SP100: variants seen among roughly 807,000 people sequenced by gnomAD.
SP100 encodes nuclear autoantigen Sp-100.
SP100 carries 84 observed loss-of-function variants against 130.0 expected under a neutral mutation model. The observed-to-expected ratio is 0.65, with a 90% CI of 0.54 to 0.77. SP100 has a LOEUF of 0.77. Among genes scored for constraint, SP100 ranks in the 30% least tolerant of loss-of-function variants. The pLI, the probability that SP100 is intolerant of heterozygous loss-of-function variation, is 0.00. For missense variants in SP100, 978 were observed against 1,052.2 expected, an observed-to-expected ratio of 0.93 and a Z score of 0.97; for synonymous variants, 331 against 351.7, an observed-to-expected ratio of 0.94 and a Z score of 0.66.
Position 230,443,078 on chromosome 2 carries a change from C to T in SP100, c.249C>T (p.Leu83=). 6.2e-7 allele frequency: 1 copy of T among 1,613,912 alleles called. No homozygotes were observed. The highest frequency in any genetic ancestry group is 8.5e-7 in the Non-Finnish European group (1 of 1,179,908). ...PFLEGLRDRD[L]ITNKMFEDSQ... Reference sequence around the variant, plus strand: ...TCGAGGGCCTCCGTGATCGTGATCTCATCACAAATAAAATGTTTGAAGTAA... The same window carrying T: ...TCGAGGGCCTCCGTGATCGTGATCTTATCACAAATAAAATGTTTGAAGTAA... The change falls in exon 3 of 29, where the codon CTC becomes CTT. Residue 83 remains leucine, a synonymous_variant. Coordinates refer to ENST00000340126, the MANE Select transcript of SP100 (RefSeq NM_001080391.2).
At chr2:230,515,918 T>C (rs1690892127) in intron 24 of SP100, 1 of 1,127,000 alleles carries the variant, frequency 8.9e-7, no homozygotes. Flanking sequence ...CAGCACAAAT[T>C]AGTTGTATAT....
Position 230,494,460 on chromosome 2 carries a change from G to A in SP100, c.1645G>A (p.Gly549Arg). Residue 549 changes from glycine (G) to arginine (R), a missense_variant and splice_region_variant, in exon 18 of 29, where the codon GGG (glycine) becomes AGG (arginine). By Grantham distance (125) the Gly-to-Arg change is moderately radical. Coordinates refer to ENST00000340126, the MANE Select transcript of SP100 (RefSeq NM_001080391.2). Reference protein sequence around the residue: ...HRSKVNGLQRGRKKDRPRKHL... With the variant: ...HRSKVNGLQRRRKKDRPRKHL... ...ATCTAAAGTAAATGGTCTCCAAAGAGGTAAGAAGAAATGTGGGGATTTACT... is the reference window on the plus strand; with the variant it reads ...ATCTAAAGTAAATGGTCTCCAAAGAAGTAAGAAGAAATGTGGGGATTTACT... 1.2e-6 allele frequency: 2 copies of A among 1,606,232 alleles called. No homozygotes were observed. The highest frequency in any genetic ancestry group is 1.7e-6 in the Non-Finnish European group (2 of 1,172,926).
At chr2:230,537,033 G>A (rs1038004562) in intron 24 of SP100, among the ~76,000 whole-genome samples, 5 of 152,160 alleles carry the variant, frequency 3.3e-5, no homozygotes, top group African/African-American at 1.2e-4. Context: ...TGAGGCAAGA[G>A]GATCACTTGA....
chr2:230,494,809 G>A (rs1433715426), intron 18 of SP100, among the ~76,000 whole-genome samples: 3 of 152,134 alleles, frequency 2.0e-5, no homozygotes, highest in Non-Finnish European at 2.9e-5. Flanking sequence ...TTAATAGAAA[G>A]ACTCAAAAGT....
At chr2:230,462,774 A>G (rs2064726527) in intron 10 of SP100, 1 of 456,214 alleles carries the variant, frequency 2.2e-6, no homozygotes, top group Non-Finnish European at 4.1e-6. Context: ...TACATTGATT[A>G]TATAGTAGGA....
intron 24 of SP100, among the ~76,000 whole-genome samples, chr2:230,528,944 C>T (rs1441487261): frequency 6.6e-6 from 1 of 152,148 alleles, no homozygotes; most frequent in Non-Finnish European, 1.5e-5. Context: ...TAACAGCCTA[C>T]CAACCAAAAA....
chr2:230,431,784 A>G (rs1229194382), intron 2 of SP100, among the ~76,000 whole-genome samples: 2 of 152,106 alleles, frequency 1.3e-5, no homozygotes, highest in African/African-American at 2.4e-5. Flanking sequence ...CATTTTCCAT[A>G]TCTTTCCCTG....
In SP100 at chr2:230,469,081, C is replaced by A. The variant is rs2065130120; in HGVS notation, c.1330C>A (p.Pro444Thr). Residue 444 changes from proline (P) to threonine (T), a missense_variant, in exon 14 of 29, where the codon CCC becomes ACC. Transcript: ENST00000340126. ...TSRSTSTWRI[P>T]SRKRRFSSSD... ...TAGAAGTACATCTACTTGGAGAATA[C>A]CCAGCAGGAAGAGACGTAAGAGCAA... 2 of 1,598,170 alleles carry A rather than the reference C, an allele frequency of 1.3e-6. No homozygotes were observed. The highest frequency in any genetic ancestry group is 1.7e-6 in the Non-Finnish European group (2 of 1,167,772).
rs759424565 is a variant in SP100, at chr2:230,539,379, A to G, written c.2207A>G (p.Asn736Ser). The G allele has an allele frequency of 2.5e-6, 4 of 1,609,362 alleles. No individual in the cohort carries two copies. In the African/African-American group the frequency reaches 5.3e-5, roughly 22 times the overall value. Residue 736 changes from asparagine to serine, a missense_variant, in exon 25 of 29, where the codon AAC becomes AGC. By Grantham distance (46) the Asn-to-Ser change is conservative (BLOSUM62 1). Coordinates refer to ENST00000340126, the MANE Select transcript of SP100 (RefSeq NM_001080391.2). ...TGCCACATCCCATCCGTGGAAGCTA[A>G]CAAGTGAGTAAGACATGTCCCCTTC... ...EHCHIPSVEANKNPWSCIFCR... is the reference protein window; with the variant it reads ...EHCHIPSVEASKNPWSCIFCR...
intron 24 of SP100, among the ~76,000 whole-genome samples, chr2:230,524,389 G>GA (rs909188971): frequency 5.8e-4 from 86 of 149,290 alleles, no homozygotes; most frequent in African/African-American, 1.9e-3. Context: ...AAAAGAAAAG[G>GA]AAAAAAAACG....
chr2:230,538,590 C>T (rs1057331260), intron 24 of SP100: 1 of 152,156 alleles, frequency 6.6e-6, no homozygotes, highest in South Asian at 2.1e-4. Flanking sequence ...ACTTTAGTCT[C>T]TTCTTTGTAT....
chr2:230,524,523 A>G (rs1176360052), intron 24 of SP100, among the ~76,000 whole-genome samples: 1 of 152,198 alleles, frequency 6.6e-6, no homozygotes, highest in East Asian at 1.9e-4. Flanking sequence ...AGTTAATTTA[A>G]AGTTCTTACT....
At chr2:230,468,896 AG>A in intron 13 of SP100, 146 bp from the exon 14 acceptor site, 2 of 461,698 alleles carry the variant, frequency 4.3e-6, no homozygotes, top group Non-Finnish European at 7.7e-6. Flanking sequence ...TCCATTTGAT[AG>A]TAATCTCTTT....
intron 2 of SP100, among the ~76,000 whole-genome samples, chr2:230,432,745 T>C (rs980133815): frequency 6.6e-6 from 1 of 152,188 alleles, no homozygotes; most frequent in African/African-American, 2.4e-5. Flanking sequence ...ATACAAGTAG[T>C]TTATTAAAAA....
chr2:230,477,699 T>C (rs549399400), intron 17 of SP100, among the ~76,000 whole-genome samples: 19 of 152,272 alleles, frequency 1.2e-4, no homozygotes, highest in South Asian at 6.2e-4. Flanking sequence ...TGATGCTTCA[T>C]TGGGGTGAAT....
chr2:230,423,820 G>A (rs756135195), intron 2 of SP100, among the ~76,000 whole-genome samples: 1 of 152,222 alleles, frequency 6.6e-6, no homozygotes. Flanking sequence ...AGTGGGGGAA[G>A]TCGTCCTCTG....
At chr2:230,448,647 A>T (rs1256032355) in intron 5 of SP100, among the ~76,000 whole-genome samples, 1 of 152,254 alleles carries the variant, frequency 6.6e-6, no homozygotes, top group Non-Finnish European at 1.5e-5. Flanking sequence ...GGCTACTCAG[A>T]CACTGAGTCC....
chr2:230,519,633 A>C (rs1691078420), intron 24 of SP100, among the ~76,000 whole-genome samples: 1 of 152,146 alleles, frequency 6.6e-6, no homozygotes, highest in African/African-American at 2.4e-5. Flanking sequence ...TGAAAGGGAG[A>C]AAGCTTCTGA....
intron 24 of SP100, among the ~76,000 whole-genome samples, chr2:230,524,191 A>G (rs1691307175): frequency 7.0e-6 from 1 of 143,632 alleles, no homozygotes; most frequent in South Asian, 2.2e-4. Flanking sequence ...AAAAAAAAAA[A>G]AAAAAAAAAA....
Sources: gnomAD v4.1 joint callset for allele counts (sites outside exome capture counted in the v4.1 genomes callset) on GRCh38, gnomAD v4.1.1 for gene constraint, MANE v1.5 for transcripts, NCBI Gene and HGNC (gene_info 2026-07-23, HGNC 2026-07-21) for gene names.